Variants in PRKCE observed in about 807,000 individuals in gnomAD.
The protein encoded by PRKCE is protein kinase C epsilon.
Under a neutral mutation model 85.4 loss-of-function variants are expected in PRKCE, and 16 were observed. The observed-to-expected ratio is 0.19, with a 90% CI of 0.13 to 0.28. The LOEUF (loss-of-function observed/expected upper bound fraction) is 0.28, where lower values mean the gene tolerates loss of function less well. Ranked by LOEUF, PRKCE falls within the 10% of genes least tolerant of loss-of-function variation. PRKCE has a pLI of 1.00. For missense variants in PRKCE, 573 were observed against 975.2 expected (o/e 0.59, Z 5.49); for synonymous variants, 388 against 371.5 (o/e 1.04, Z -0.51).
chr2:45,944,853 A>C (rs904633615), intron 2 of PRKCE, among the ~76,000 whole-genome samples: 2 of 152,030 alleles, frequency 1.3e-5, no homozygotes, highest in African/African-American at 4.8e-5. Flanking sequence ...TTCACTTATA[A>C]ATCTTTGGAC....
chr2:45,717,177 C>G (rs557223067), intron 1 of PRKCE, among the ~76,000 whole-genome samples: 13 of 152,282 alleles, frequency 8.5e-5, no homozygotes, highest in African/African-American at 2.6e-4. Context: ...AGGCTAGGCC[C>G]AGATGAGGAT....
intron 1 of PRKCE, among the ~76,000 whole-genome samples, chr2:45,766,087 A>C (rs1684890579): frequency 6.6e-6 from 1 of 152,232 alleles, no homozygotes. Context: ...TGGCAAGCAC[A>C]GCAGTTCCCT....
intron 4 of PRKCE, among the ~76,000 whole-genome samples, chr2:45,979,833 T>A (rs966411277): frequency 6.6e-6 from 1 of 152,178 alleles, no homozygotes; most frequent in African/African-American, 2.4e-5. Context: ...AAGTTTGGTA[T>A]GTCAGGACAC....
chr2:45,934,889 CA>C (rs35925836), intron 2 of PRKCE, among the ~76,000 whole-genome samples: 84 of 108,836 alleles, frequency 7.7e-4, no homozygotes, highest in East Asian at 8.8e-4. Context: ...CATGTCTCTA[CA>C]AAAAAAAAAA....
chr2:45,893,540 G>A (rs1327690994), intron 2 of PRKCE, among the ~76,000 whole-genome samples: 1 of 151,842 alleles, frequency 6.6e-6, no homozygotes, highest in East Asian at 1.9e-4. Context: ...GCTAATTTTT[G>A]TATTTTTAGC....
intron 2 of PRKCE, among the ~76,000 whole-genome samples, chr2:45,940,341 A>G (rs1269120170): frequency 1.3e-5 from 2 of 152,216 alleles, no homozygotes; most frequent in Non-Finnish European, 2.9e-5. Flanking sequence ...TTTGGGAAAC[A>G]GACCTTCCAT....
intron 1 of PRKCE, among the ~76,000 whole-genome samples, chr2:45,751,493 C>T (rs1683554780): frequency 9.1e-6 from 1 of 110,422 alleles, no homozygotes; most frequent in African/African-American, 3.8e-5. Context: ...ATAAAGTTTC[C>T]ATATTGTTTA....
chr2:45,686,602 A>G (rs1677319303), intron 1 of PRKCE, among the ~76,000 whole-genome samples: 1 of 152,200 alleles, frequency 6.6e-6, no homozygotes, highest in African/African-American at 2.4e-5. Context: ...TAGAAAATAG[A>G]ATGGAAGCAA....
At chr2:46,100,154 C>T (rs1023137740) in intron 11 of PRKCE, among the ~76,000 whole-genome samples, 5 of 152,120 alleles carry the variant, frequency 3.3e-5, no homozygotes, top group Non-Finnish European at 5.9e-5. Flanking sequence ...GAAAATCTGT[C>T]TCAAAATTAC....
At chr2:45,709,153 G>A (rs984460096) in intron 1 of PRKCE, among the ~76,000 whole-genome samples, 1 of 152,372 alleles carries the variant, frequency 6.6e-6, no homozygotes, top group South Asian at 2.1e-4. Context: ...AGGAGGTGAA[G>A]ACCCCCAATT....
intron 11 of PRKCE, among the ~76,000 whole-genome samples, chr2:46,136,624 A>G (rs1271273374): frequency 1.2e-4 from 18 of 152,152 alleles, no homozygotes; most frequent in African/African-American, 4.1e-4. Flanking sequence ...GAAGGAAAGG[A>G]ATACTGTCTG....
intron 10 of PRKCE, among the ~76,000 whole-genome samples, chr2:46,083,497 T>C (rs1372974510): frequency 1.3e-5 from 2 of 152,044 alleles, no homozygotes; most frequent in Admixed American, 6.5e-5. Context: ...AAATACTCCA[T>C]TGTTGCTAAA....
Position 46,068,088 on chromosome 2 carries a change from G to A in PRKCE, c.1438-18120G>A, listed in dbSNP as rs1452537661. Among the ~76,000 whole-genome samples the A allele has an allele frequency of 6.6e-6, 1 of 152,146 alleles. No homozygotes were observed. The highest frequency in any genetic ancestry group is 2.4e-5 in the African/African-American group (1 of 41,426). On this transcript the variant is annotated intron_variant, in intron 10 of 14. Transcript: ENST00000306156. The surrounding 1 kb of genome is among the most constrained non-coding windows in gnomAD (Gnocchi z 4.3). ...TTTTCATTGTTCAGAGAGAGACTGG[G>A]GGTTTGTCTGCACTTTTACATTATC... is the stretch of plus-strand genomic sequence containing the variant.
At chr2:45,863,681 A>C (rs1693351524) in intron 2 of PRKCE, among the ~76,000 whole-genome samples, 1 of 152,060 alleles carries the variant, frequency 6.6e-6, no homozygotes, top group South Asian at 2.1e-4. Context: ...TTCAGGATGC[A>C]TTGAGGCTTA....
chr2:45,681,502 G>A (rs148870750), intron 1 of PRKCE, among the ~76,000 whole-genome samples: 14 of 152,134 alleles, frequency 9.2e-5, no homozygotes, highest in African/African-American at 2.9e-4. Context: ...CCAGGTAGGC[G>A]TTTATGATGC....
At chr2:45,707,336 C>T (rs977613885) in intron 1 of PRKCE, among the ~76,000 whole-genome samples, 1 of 152,250 alleles carries the variant, frequency 6.6e-6, no homozygotes, top group African/African-American at 2.4e-5. Context: ...TGTTACCAAA[C>T]ATCTGAATTC....
intron 1 of PRKCE, among the ~76,000 whole-genome samples, chr2:45,839,116 G>A (rs1015586903): frequency 1.4e-5 from 2 of 140,842 alleles, no homozygotes; most frequent in Non-Finnish European, 3.1e-5. Context: ...TGTCTCCTGG[G>A]TGCTTAGTTA....
intron 11 of PRKCE, among the ~76,000 whole-genome samples, chr2:46,143,974 C>T (rs1341274160): frequency 6.6e-6 from 1 of 152,218 alleles, no homozygotes; most frequent in African/African-American, 2.4e-5. Context: ...TGTGTGCAGA[C>T]AAATGGGCCT....
chr2:46,173,687 CAT>C (rs1679140791), intron 14 of PRKCE, among the ~76,000 whole-genome samples: 1 of 152,170 alleles, frequency 6.6e-6, no homozygotes, highest in Non-Finnish European at 1.5e-5. Context: ...CATCATAACA[CAT>C]GTTAGAAGTT....
Sources: allele counts gnomAD v4.1 joint callset (sites outside exome capture counted in the v4.1 genomes callset), GRCh38; gene constraint gnomAD v4.1.1; non-coding constraint Gnocchi (gnomAD v3.1); transcripts MANE v1.5; gene names NCBI Gene and HGNC (gene_info 2026-07-23, HGNC 2026-07-21).